Variants in GLRA3 observed in about 807,000 individuals in gnomAD.
GLRA3 encodes the protein glycine receptor alpha 3, also known as glycine receptor subunit alpha-3.
A neutral mutation model predicts 60.4 loss-of-function variants in GLRA3; 44 were observed. The ratio of observed to expected loss-of-function variants is 0.73; its 90% CI spans 0.57 to 0.94. GLRA3 has a LOEUF of 0.94. GLRA3 is among the 40% of genes least tolerant of loss of function. The pLI is 0.00. For synonymous variants in GLRA3, 223 were observed against 192.9 expected (o/e 1.16, Z -1.29); for missense variants, 508 against 564.6 (o/e 0.90, Z 1.02).
rs540560799 is a variant in GLRA3 at position 174,691,549 on chromosome 4, G to A, written c.575-8610C>T. Among the ~76,000 whole-genome samples, 324 of 152,272 alleles carry A rather than the reference G, an allele frequency of 2.1e-3. 1 individual carries two copies. Among genetic ancestry groups the A allele is most frequent in the African/African-American group, 7.3e-3 (304 of 41,572 alleles). On this transcript the variant is annotated intron_variant, in intron 5 of 9. Coordinates refer to ENST00000274093, the MANE Select transcript of GLRA3 (RefSeq NM_006529.4). Reference sequence around the variant, plus strand: ...CGATTGCAGGCGCGCGCGCCGCCACGCCTGACTGGTTTTCGTATTTTTTTG... The same window carrying A: ...CGATTGCAGGCGCGCGCGCCGCCACACCTGACTGGTTTTCGTATTTTTTTG...
At chr4:174,810,936 G>T (rs546902423) in intron 1 of GLRA3, among the ~76,000 whole-genome samples, 4 of 152,260 alleles carry the variant, frequency 2.6e-5, no homozygotes, top group South Asian at 4.1e-4. Context: ...CATAGGTATT[G>T]TTGCTCCTAG....
chr4:174,796,577 A>ACT (rs1322148932), intron 1 of GLRA3, among the ~76,000 whole-genome samples: 4 of 150,930 alleles, frequency 2.7e-5, no homozygotes, highest in Non-Finnish European at 4.4e-5. Context: ...TCGCTCTGTC[A>ACT]CCAGGCTGGA....
intron 5 of GLRA3, among the ~76,000 whole-genome samples, chr4:174,687,888 T>C (rs1734610504): frequency 6.6e-6 from 1 of 152,104 alleles, no homozygotes; most frequent in African/African-American, 2.4e-5. Context: ...GGTAGACAAG[T>C]TAGTTTTAAT....
intron 3 of GLRA3, among the ~76,000 whole-genome samples, chr4:174,737,505 T>A (rs73004584): frequency 1.3e-3 from 181 of 142,436 alleles, no homozygotes; most frequent in African/African-American, 4.3e-3. Context: ...TAAGGCTTTT[T>A]TTTGTGGTTT....
intron 5 of GLRA3, among the ~76,000 whole-genome samples, chr4:174,693,560 G>A (rs1734941197): frequency 6.6e-6 from 1 of 152,054 alleles, no homozygotes; most frequent in South Asian, 2.1e-4. Context: ...GGTTACTCTA[G>A]CCTTGTAGTA....
chr4:174,765,824 C>T (rs1024599554), intron 3 of GLRA3, among the ~76,000 whole-genome samples: 1 of 152,004 alleles, frequency 6.6e-6, no homozygotes, highest in East Asian at 1.9e-4. Context: ...TATATAATGC[C>T]TCCAAATTTA....
intron 2 of GLRA3, among the ~76,000 whole-genome samples, chr4:174,776,397 T>C (rs1398384946): frequency 1.3e-5 from 2 of 152,090 alleles, no homozygotes; most frequent in African/African-American, 2.4e-5. Context: ...ACAGACATTC[T>C]ATCACACATA....
At chr4:174,741,260 A>T (rs1345868553) in intron 3 of GLRA3, among the ~76,000 whole-genome samples, 2 of 152,162 alleles carry the variant, frequency 1.3e-5, no homozygotes, top group Non-Finnish European at 2.9e-5. Context: ...ATTTGTTTAA[A>T]AAATTAATTT....
chr4:174,677,531 T>TTA, intron 6 of GLRA3, among the ~76,000 whole-genome samples: 1 of 151,612 alleles, frequency 6.6e-6, no homozygotes, highest in Non-Finnish European at 1.5e-5. Flanking sequence ...GGCTAATTTT[T>TTA]TTTTTTTTTG....
intron 5 of GLRA3, among the ~76,000 whole-genome samples, chr4:174,690,388 T>G (rs1734748012): frequency 6.6e-6 from 1 of 152,214 alleles, no homozygotes; most frequent in Non-Finnish European, 1.5e-5. Flanking sequence ...ACCTCAGGAA[T>G]GGACAATTTA....
chr4:174,746,302 C>T (rs1737243892), intron 3 of GLRA3, among the ~76,000 whole-genome samples: 1 of 152,140 alleles, frequency 6.6e-6, no homozygotes, highest in African/African-American at 2.4e-5. Flanking sequence ...CCATGGGATA[C>T]TGTTCAGCCT....
intron 4 of GLRA3, among the ~76,000 whole-genome samples, chr4:174,727,154 T>C: frequency 6.6e-6 from 1 of 152,158 alleles, no homozygotes; most frequent in East Asian, 1.9e-4. Context: ...TAGGTAAATG[T>C]GAAAAGCAGA....
intron 5 of GLRA3, among the ~76,000 whole-genome samples, chr4:174,695,291 G>T (rs1332446506): frequency 6.6e-6 from 1 of 151,920 alleles, no homozygotes; most frequent in African/African-American, 2.4e-5. Context: ...AACAAAAAAA[G>T]AAAACTTCAG....
At chr4:174,721,034 T>TGTTTGG (rs1736111077) in intron 4 of GLRA3, among the ~76,000 whole-genome samples, 1 of 149,224 alleles carries the variant, frequency 6.7e-6, no homozygotes, top group South Asian at 2.1e-4. Context: ...TGTGTGTGTG[T>TGTTTGG]GTGTGTGTTT....
At chr4:174,746,745 C>A (rs1478970908) in intron 3 of GLRA3, among the ~76,000 whole-genome samples, 1 of 152,134 alleles carries the variant, frequency 6.6e-6, no homozygotes. Flanking sequence ...AAATGGTAAA[C>A]CCATGTGAAA....
At position 174,660,525 on chromosome 4, in the gene GLRA3, A is replaced by C. The variant is rs532515435; in HGVS notation, c.928-1328T>G. On this transcript the variant is annotated intron_variant, in intron 7 of 9. Coordinates refer to ENST00000274093, the MANE Select transcript of GLRA3 (RefSeq NM_006529.4). ...ATCAGGAGGCACACAATGTTGATCA[A>C]TTGATGAAGGTAATGTCTGCTAGGT... 7.9e-5 allele frequency among the ~76,000 whole-genome samples: 12 copies of C among 152,334 alleles called. No homozygotes were observed. The South Asian group carries it at 2.5e-3, about 32-fold the overall frequency.
At chr4:174,816,365 T>C (rs1235995535) in intron 1 of GLRA3, among the ~76,000 whole-genome samples, 4 of 152,162 alleles carry the variant, frequency 2.6e-5, no homozygotes, top group Non-Finnish European at 5.9e-5. Context: ...ATAAAAAATA[T>C]TGGAAAGCCC....
At position 174,641,800 on chromosome 4, in the gene GLRA3, T is replaced by C. The variant is rs1439459830; in HGVS notation, c.*1986A>G. ...AACTTTTGAAATAAGATGTGGAAAG[T>C]ATAGAAAAACGTATTCAGGTATTTC... On this transcript the variant is annotated 3_prime_UTR_variant, in exon 10 of 10. Coordinates refer to ENST00000274093, the MANE Select transcript of GLRA3 (RefSeq NM_006529.4). 6.6e-6 allele frequency: 1 copy of C among 152,032 alleles called. No individual in the cohort carries two copies. The highest frequency in any genetic ancestry group is 1.5e-5 in the Non-Finnish European group (1 of 67,916). 9.4% of individuals were successfully genotyped at this position (152,032 alleles called of 1,614,324 possible).
intron 3 of GLRA3, among the ~76,000 whole-genome samples, chr4:174,764,751 C>G (rs1738075099): frequency 6.6e-6 from 1 of 151,848 alleles, no homozygotes; most frequent in Non-Finnish European, 1.5e-5. Context: ...CAAGTGGGAG[C>G]AAAACATTTT....
Sources: allele counts gnomAD v4.1 joint callset (sites outside exome capture counted in the v4.1 genomes callset), GRCh38; gene constraint gnomAD v4.1.1; transcripts MANE v1.5; gene names NCBI Gene and HGNC (gene_info 2026-07-23, HGNC 2026-07-21).